Variants in ZBTB20 observed in about 807,000 individuals in gnomAD.
The protein encoded by ZBTB20 is zinc finger and BTB domain-containing protein 20.
In ZBTB20, 9 loss-of-function variants were observed where a neutral mutation model predicts 56.9. That is an observed-to-expected ratio of 0.16 (90% CI 0.10 to 0.28). ZBTB20 has a LOEUF of 0.28. Ranked by LOEUF, ZBTB20 falls within the 10% of genes least tolerant of loss-of-function variation. The pLI is 1.00. For missense variants in ZBTB20, 655 were observed against 1,003.0 expected, an observed-to-expected ratio of 0.65 and a Z score of 4.69; for synonymous variants, 417 against 420.7, an observed-to-expected ratio of 0.99 and a Z score of 0.11.
chr3:115,079,139 GA>G (rs1026413291), intron 1 of ZBTB20, among the ~76,000 whole-genome samples: 21 of 152,190 alleles, frequency 1.4e-4, no homozygotes, highest in African/African-American at 4.3e-4. Flanking sequence ...TGTTCACTAA[GA>G]AAATATGGTA....
chr3:114,354,583 G>GTTTTTTTTTTT (rs1310151895), intron 10 of ZBTB20, among the ~76,000 whole-genome samples: 1 of 45,434 alleles, frequency 2.2e-5, no homozygotes. Flanking sequence ...GTTTTGTTTT[G>GTTTTTTTTTTT]TTTGTTTTTT....
At chr3:114,467,997 C>A (rs2092616960) in intron 7 of ZBTB20, among the ~76,000 whole-genome samples, 1 of 152,128 alleles carries the variant, frequency 6.6e-6, no homozygotes, top group Non-Finnish European at 1.5e-5. Flanking sequence ...TCAGTCCTAG[C>A]CTCTAAGAGT....
chr3:114,918,112 G>A (rs1184756860), intron 3 of ZBTB20, among the ~76,000 whole-genome samples: 1 of 150,104 alleles, frequency 6.7e-6, no homozygotes, highest in Non-Finnish European at 1.5e-5. Context: ...TTTTCCACAA[G>A]CACAGAAGTC....
chr3:114,769,576 T>C (rs979199478), intron 5 of ZBTB20, among the ~76,000 whole-genome samples: 3 of 142,984 alleles, frequency 2.1e-5, no homozygotes, highest in Non-Finnish European at 3.0e-5. Flanking sequence ...TATATATATA[T>C]ATATATATAT....
chr3:114,567,574 A>G (rs1373406694), intron 6 of ZBTB20, among the ~76,000 whole-genome samples: 1 of 152,098 alleles, frequency 6.6e-6, no homozygotes, highest in Non-Finnish European at 1.5e-5. Flanking sequence ...CTTATACTCC[A>G]TTCTGACTTA....
At chr3:114,509,592 G>T (rs959487124) in intron 6 of ZBTB20, among the ~76,000 whole-genome samples, 1 of 152,026 alleles carries the variant, frequency 6.6e-6, no homozygotes, top group South Asian at 2.1e-4. Flanking sequence ...CACATCATAC[G>T]TGCACACACA....
chr3:115,095,372 T>C (rs150334240), intron 1 of ZBTB20, among the ~76,000 whole-genome samples: 1 of 152,198 alleles, frequency 6.6e-6, no homozygotes, highest in East Asian at 1.9e-4. Flanking sequence ...TTCAGCTGAG[T>C]GTCAAAAGAT....
chr3:114,332,766 T>A lies in ZBTB20; in HGVS notation c.*6239A>T, dbSNP rs2079308188. The A allele has an allele frequency of 6.6e-6, 1 of 152,184 alleles. No homozygotes were observed. Among genetic ancestry groups the A allele is most frequent in the Non-Finnish European group, 1.5e-5 (1 of 68,036 alleles). The allele number at this position is 152,184 out of a possible 1,614,324, so 9.4% of individuals were successfully genotyped here. On this transcript the variant is annotated 3_prime_UTR_variant, in exon 12 of 12. Transcript: ENST00000675478. ...TTTTGTGAAAATACCTTAATTGAGG[T>A]CACTTAAGATTAGATTTCAGTCTGA...
intron 6 of ZBTB20, among the ~76,000 whole-genome samples, chr3:114,620,900 G>A (rs927700561): frequency 6.6e-6 from 1 of 152,174 alleles, no homozygotes; most frequent in African/African-American, 2.4e-5. Context: ...AGTGTGACTT[G>A]TCAAGGATAT....
intron 4 of ZBTB20, among the ~76,000 whole-genome samples, chr3:114,806,139 G>A (rs527335844): frequency 2.0e-5 from 3 of 151,676 alleles, no homozygotes; most frequent in South Asian, 4.1e-4. Context: ...GATCATAAGG[G>A]TAAGTTTATT....
At chr3:115,106,232 C>CTT (rs1271544340) in intron 1 of ZBTB20, among the ~76,000 whole-genome samples, 36 of 130,508 alleles carry the variant, frequency 2.8e-4, no homozygotes, top group Non-Finnish European at 3.0e-4. Context: ...CACAATAATT[C>CTT]TTTTTTTTTT....
At chr3:114,609,863 T>A (rs2057424347) in intron 6 of ZBTB20, among the ~76,000 whole-genome samples, 1 of 152,154 alleles carries the variant, frequency 6.6e-6, no homozygotes, top group South Asian at 2.1e-4. Flanking sequence ...CACTGAAAGA[T>A]TACAGATTGT....
intron 5 of ZBTB20, among the ~76,000 whole-genome samples, chr3:114,721,124 G>A (rs1181017288): frequency 1.3e-5 from 2 of 152,182 alleles, no homozygotes; most frequent in East Asian, 3.8e-4. Flanking sequence ...ATGCTGGAAA[G>A]ATGGGTTGAG....
intron 6 of ZBTB20, among the ~76,000 whole-genome samples, chr3:114,548,875 T>C (rs1379240538): frequency 6.6e-6 from 1 of 152,172 alleles, no homozygotes; most frequent in Non-Finnish European, 1.5e-5. Flanking sequence ...AAACAATGGA[T>C]GTAGGAAGCT....
chr3:114,487,863 A>G (rs1042744188), intron 7 of ZBTB20, among the ~76,000 whole-genome samples: 3 of 152,204 alleles, frequency 2.0e-5, no homozygotes. Flanking sequence ...CGTTGATGAC[A>G]TGGCCTCTAG....
chr3:114,494,053 C>G (rs1475792361), intron 7 of ZBTB20, among the ~76,000 whole-genome samples: 1 of 152,162 alleles, frequency 6.6e-6, no homozygotes, highest in Non-Finnish European at 1.5e-5. Context: ...TTCTGATCTG[C>G]ACAATTAGGA....
intron 6 of ZBTB20, among the ~76,000 whole-genome samples, chr3:114,585,857 G>A (rs932245225): frequency 1.3e-4 from 20 of 152,248 alleles, no homozygotes; most frequent in African/African-American, 4.8e-4. Context: ...GACATGTACA[G>A]TATCAGCTAA....
intron 3 of ZBTB20, among the ~76,000 whole-genome samples, chr3:114,936,049 GC>G (rs1446370363): frequency 1.3e-5 from 2 of 151,980 alleles, no homozygotes; most frequent in African/African-American, 4.8e-5. Flanking sequence ...ACTGGCACCT[GC>G]ATAATTTAAA....
chr3:114,436,092 G>A (rs1172273614), intron 7 of ZBTB20, among the ~76,000 whole-genome samples: 1 of 152,108 alleles, frequency 6.6e-6, no homozygotes, highest in Non-Finnish European at 1.5e-5. Context: ...ACCCGCCAAC[G>A]GTGCATTTCC....
Sources: gnomAD v4.1 joint callset for allele counts (sites outside exome capture counted in the v4.1 genomes callset) on GRCh38, gnomAD v4.1.1 for gene constraint, MANE v1.5 for transcripts, NCBI Gene and HGNC (gene_info 2026-07-23, HGNC 2026-07-21) for gene names.